The following ZNF362 variants were observed in gnomAD, a reference collection of about 807,000 sequenced individuals.
ZNF362 encodes the protein rotund homolog.
A neutral mutation model predicts 42.9 loss-of-function variants in ZNF362; 11 were observed. That is an observed-to-expected ratio of 0.26 (90% confidence interval 0.16 to 0.42). The LOEUF is 0.42. Ranked by LOEUF, ZNF362 falls within the 20% of genes least tolerant of loss-of-function variation. The pLI is 1.00. For missense variants in ZNF362, 362 were observed against 576.2 expected (o/e 0.63, Z 3.81); for synonymous variants, 255 against 257.3 (o/e 0.99, Z 0.09).
chr1:33,127,993 T>C, the ZNF362 span, among the ~76,000 whole-genome samples: 1 of 152,120 alleles, frequency 6.6e-6, no homozygotes. Context: ...CCTAAGTTAC[T>C]CTCTGCCACA....
chr1:33,146,074 T>G, the ZNF362 span: 1 of 352,198 alleles, frequency 2.8e-6, no homozygotes, highest in Non-Finnish European at 5.7e-6. Context: ...TTCCTGCAGA[T>G]GGGGGCAGCT....
the ZNF362 span, among the ~76,000 whole-genome samples, chr1:33,250,852 G>GAA: frequency 1.2e-3 from 160 of 137,590 alleles, no homozygotes; most frequent in African/African-American, 2.5e-3. Context: ...GAAGAAAGAA[G>GAA]GAAGAAGAAG....
the ZNF362 span, among the ~76,000 whole-genome samples, chr1:33,227,176 T>A: frequency 6.6e-6 from 1 of 152,138 alleles, no homozygotes; most frequent in African/African-American, 2.4e-5. Flanking sequence ...AATGAGTGAA[T>A]CGTATGGTAC....
At chr1:33,157,882 G>A in the ZNF362 span, among the ~76,000 whole-genome samples, 674 of 151,944 alleles carry the variant, frequency 4.4e-3, 19 homozygotes, top group East Asian at 0.08. Context: ...TCAGCCTCTC[G>A]AGTAGCTGGG....
chr1:33,180,347 A>G, the ZNF362 span, among the ~76,000 whole-genome samples: 2 of 152,072 alleles, frequency 1.3e-5, no homozygotes, highest in Non-Finnish European at 2.9e-5. Flanking sequence ...TCTGGCTTAA[A>G]TCTAAACTTG....
At chr1:33,285,601 C>T (rs946962849) in intron 6 of ZNF362, among the ~76,000 whole-genome samples, 4 of 152,068 alleles carry the variant, frequency 2.6e-5, no homozygotes, top group African/African-American at 9.6e-5. Context: ...TTTTTTGGTC[C>T]ATCTTAAAAA....
At position 33,294,923 on chromosome 1, in the gene ZNF362, G is replaced by T. The variant is rs1646107054; in HGVS notation, c.909-14G>T. The stretch of plus-strand genomic sequence containing the variant: ...GTGTCAGGGACTTCGACCTTACTGG[G>T]CTGCCCATTACAGAATCCACACAGG... On this transcript the variant is annotated splice_polypyrimidine_tract_variant and intron_variant, in intron 6 of 8. Coordinates refer to ENST00000539719, the MANE Select transcript of ZNF362 (RefSeq NM_152493.3). This position sits in a 1 kb window ranked among gnomAD's most constrained non-coding sequence, Gnocchi z 4.2. 6.2e-7 allele frequency: 1 copy of T among 1,613,890 alleles called. No individual in the cohort carries two copies. Among genetic ancestry groups the T allele is most frequent in the Non-Finnish European group, 8.5e-7 (1 of 1,179,962 alleles).
chr1:33,221,905 C>T, the ZNF362 span, among the ~76,000 whole-genome samples: 1 of 152,052 alleles, frequency 6.6e-6, no homozygotes. Context: ...CTACTGTAGA[C>T]AGTTTCCTCC....
intron 4 of ZNF362, among the ~76,000 whole-genome samples, chr1:33,278,587 A>G (rs566010476): frequency 6.6e-6 from 1 of 152,326 alleles, no homozygotes; most frequent in East Asian, 1.9e-4. Context: ...TTTACCAAAA[A>G]ATTATTCTCT....
intron 8 of ZNF362, among the ~76,000 whole-genome samples, chr1:33,297,513 CTTTTT>C (rs55931056): frequency 1.4e-4 from 17 of 121,066 alleles, no homozygotes; most frequent in Admixed American, 4.4e-4. Context: ...CATGATTCCT[CTTTTT>C]TTTTTTTTTT....
intron 2 of ZNF362, among the ~76,000 whole-genome samples, chr1:33,274,349 G>T (rs1463317120): frequency 6.6e-6 from 1 of 152,216 alleles, no homozygotes; most frequent in Non-Finnish European, 1.5e-5. Context: ...GTACCTACCT[G>T]CCTTTCAGTG....
At chr1:33,178,230 C>T in the ZNF362 span, among the ~76,000 whole-genome samples, 1 of 152,194 alleles carries the variant, frequency 6.6e-6, no homozygotes, top group African/African-American at 2.4e-5. Flanking sequence ...GTCTGTAATT[C>T]TGCAGAAGGG....
upstream of ZNF362, among the ~76,000 whole-genome samples, chr1:33,252,344 C>G (rs201948111): frequency 6.9e-6 from 1 of 145,956 alleles, no homozygotes; most frequent in South Asian, 2.2e-4. Context: ...AAGAGTGAAA[C>G]TCCATCTCAA....
the ZNF362 span, among the ~76,000 whole-genome samples, chr1:33,204,153 A>G: frequency 6.6e-6 from 1 of 152,018 alleles, no homozygotes; most frequent in Non-Finnish European, 1.5e-5. Flanking sequence ...TTTTTTCTGT[A>G]TAATATAAGA....
the ZNF362 span, among the ~76,000 whole-genome samples, chr1:33,158,827 CAG>C: frequency 6.6e-6 from 1 of 151,724 alleles, no homozygotes; most frequent in African/African-American, 2.4e-5. Flanking sequence ...TTCAGAGCCT[CAG>C]TTTTTTTCTT....
the ZNF362 span, among the ~76,000 whole-genome samples, chr1:33,244,371 C>T: frequency 6.6e-6 from 1 of 152,168 alleles, no homozygotes; most frequent in Non-Finnish European, 1.5e-5. The surrounding 1 kb of genome is among the most constrained non-coding windows in gnomAD (Gnocchi z 4.0). Context: ...AGGCACTAAC[C>T]ACCGGAATGC....
At chr1:33,161,922 C>G in the ZNF362 span, among the ~76,000 whole-genome samples, 1 of 152,180 alleles carries the variant, frequency 6.6e-6, no homozygotes, top group South Asian at 2.1e-4. The surrounding 1 kb of genome is among the most constrained non-coding windows in gnomAD (Gnocchi z 4.3). Context: ...CCATCCTCAC[C>G]CTGAACACCT....
the ZNF362 span, among the ~76,000 whole-genome samples, chr1:33,184,746 C>A: frequency 4.3e-4 from 66 of 152,214 alleles, no homozygotes; most frequent in Non-Finnish European, 7.6e-4. Flanking sequence ...TTTGTTGCAG[C>A]AGCCCAGCTT....
At chr1:33,224,891 A>G in the ZNF362 span, among the ~76,000 whole-genome samples, 1 of 152,300 alleles carries the variant, frequency 6.6e-6, no homozygotes, top group South Asian at 2.1e-4. Context: ...CAAAGAGAAA[A>G]ATCTTAAAAG....
Sources: gnomAD v4.1 joint callset for allele counts (sites outside exome capture counted in the v4.1 genomes callset) on GRCh38, gnomAD v4.1.1 for gene constraint, Gnocchi (gnomAD v3.1) non-coding constraint, MANE v1.5 for transcripts, NCBI Gene and HGNC (gene_info 2026-07-23, HGNC 2026-07-21) for gene names.